Variants in PPIE observed in about 807,000 individuals in gnomAD.
PPIE encodes peptidyl-prolyl cis-trans isomerase E.
Under a neutral mutation model 38.4 loss-of-function variants are expected in PPIE, and 20 were observed. That is an observed-to-expected ratio of 0.52 (90% CI 0.37 to 0.76). PPIE has a LOEUF of 0.76. Among genes scored for constraint, PPIE ranks in the 30% least tolerant of loss-of-function variants. PPIE has a pLI of 0.00. For missense variants in PPIE, 322 were observed against 385.8 expected (o/e 0.83, Z 1.39); for synonymous variants, 142 against 135.7 (o/e 1.05, Z -0.32).
Position 39,755,621 on chromosome 1 carries a change from G to A in PPIE, c.*2266G>A. On this transcript the variant is annotated 3_prime_UTR_variant, in exon 10 of 10. Coordinates refer to ENST00000324379, the MANE Select transcript of PPIE (RefSeq NM_006112.4). ...TTGGACGAGAACCAGGAGAGAGTGT[G>A]TAGAAAAAGCACAGCCAGCCTCCCA... The A allele has an allele frequency of 1.0e-6, 1 of 985,428 alleles. No homozygotes were observed. Among genetic ancestry groups the A allele is most frequent in the Non-Finnish European group, 1.2e-6 (1 of 829,930 alleles). 61.0% of individuals were successfully genotyped at this position (985,428 alleles called of 1,614,324 possible).
intron 9 of PPIE, chr1:39,763,079 G>T (rs200035026): frequency 1.2e-6 from 2 of 1,612,442 alleles, no homozygotes; most frequent in African/African-American, 2.7e-5. Flanking sequence ...GGCAGGATGG[G>T]CATGGTACTG....
chr1:39,746,917 C>T lies in PPIE; in HGVS notation c.508+1419C>T, dbSNP rs914094707. On this transcript the variant is annotated intron_variant, in intron 7 of 9. Coordinates refer to ENST00000324379, the MANE Select transcript of PPIE (RefSeq NM_006112.4). ...CTCTGTTCGAAATTTTTGAATCATC[C>T]TAAACAAAACCACTTATTAAAGGTA... 2.0e-5 allele frequency: 3 copies of T among 152,116 alleles called. No individual in the cohort carries two copies. In the East Asian group the frequency reaches 5.8e-4, roughly 29 times the overall value. 9.4% of individuals were successfully genotyped at this position (152,116 alleles called of 1,614,324 possible).
Position 39,755,110 on chromosome 1 carries a change from C to G in PPIE, c.*1755C>G. ...TTGGAGCTGGCTTCTCTCCACTCCCCCTCCAGATGCTGGTCAGCCAGGCGG... is the reference window on the plus strand; with the variant it reads ...TTGGAGCTGGCTTCTCTCCACTCCCGCTCCAGATGCTGGTCAGCCAGGCGG... On this transcript the variant is annotated 3_prime_UTR_variant, in exon 10 of 10. Transcript: ENST00000324379. 7.1e-6 allele frequency: 7 copies of G among 985,358 alleles called. No homozygotes were observed. Among genetic ancestry groups the G allele is most frequent in the Non-Finnish European group, 8.4e-6 (7 of 829,948 alleles). 61.0% of individuals were successfully genotyped at this position (985,358 alleles called of 1,614,324 possible).
chr1:39,750,365 CTTATCCCACCTCCCAGATG>C lies in PPIE; in HGVS notation c.694+1294_694+1312del, dbSNP rs1186934939. Among the ~76,000 whole-genome samples, 5 of 152,164 alleles carry C rather than the reference CTTATCCCACCTCCCAGATG, an allele frequency of 3.3e-5. No individual in the cohort carries two copies. In the East Asian group the frequency reaches 7.7e-4, roughly 23 times the overall value. ...CGAGTAGCCAGTTCTTGGCGATCAT[CTTATCCCACCTCCCAGATG>C]TTATCCCACCTCCCAGGAGCATTTC... is the stretch of plus-strand genomic sequence containing the variant. On this transcript the variant is annotated intron_variant, in intron 8 of 9. Transcript: ENST00000324379.
intron 8 of PPIE, 92 bp downstream of exon 8, chr1:39,749,180 C>T (rs1034592636): frequency 1.2e-5 from 16 of 1,363,672 alleles, no homozygotes; most frequent in South Asian, 5.6e-5. Flanking sequence ...TTCTGGCTGG[C>T]GGACACTAAG....
intron 1 of PPIE, among the ~76,000 whole-genome samples, chr1:39,739,493 G>A (rs1370565085): frequency 1.3e-5 from 2 of 152,156 alleles, no homozygotes; most frequent in Non-Finnish European, 2.9e-5. Context: ...AAAAAAAGTG[G>A]AATTACCTCA....
intron 3 of PPIE, 44 bp downstream of exon 3, chr1:39,741,453 T>C: frequency 3.8e-6 from 6 of 1,592,666 alleles, no homozygotes; most frequent in Non-Finnish European, 5.2e-6. Context: ...GTTTGTGATG[T>C]TGTTACTGAT....
chr1:39,739,842 G>A (rs1224889244), intron 1 of PPIE, among the ~76,000 whole-genome samples: 1 of 152,190 alleles, frequency 6.6e-6, no homozygotes, highest in African/African-American at 2.4e-5. Flanking sequence ...CTTTGAAGGA[G>A]TGTAAGCGAA....
chr1:39,745,254 C>T (rs915904699), intron 6 of PPIE, 121 bp from the exon 7 acceptor site: 50 of 1,361,376 alleles, frequency 3.7e-5, no homozygotes, highest in East Asian at 4.7e-5. Context: ...AGGCCTTCCC[C>T]GTCAGCACTT....
intron 6 of PPIE, among the ~76,000 whole-genome samples, chr1:39,744,801 C>T (rs971257292): frequency 2.6e-5 from 4 of 152,164 alleles, no homozygotes; most frequent in Non-Finnish European, 4.4e-5. Context: ...TCAGTGGAGT[C>T]CCCCTGGATC....
chr1:39,745,658 G>C (rs1016453514), intron 7 of PPIE, 160 bp downstream of exon 7: 59 of 1,168,806 alleles, frequency 5.0e-5, no homozygotes, highest in Non-Finnish European at 6.6e-5. Flanking sequence ...AGATAAGTCA[G>C]AGCAGGTGTT....
chr1:39,762,486 T>A (rs982644340), intron 9 of PPIE: 2 of 1,541,396 alleles, frequency 1.3e-6, no homozygotes, highest in Admixed American at 2.0e-5. Flanking sequence ...GCACCAGTGA[T>A]CCCATCAGAA....
At chr1:39,749,223 A>AG in intron 8 of PPIE, 135 bp downstream of exon 8, 1 of 885,440 alleles carries the variant, frequency 1.1e-6, no homozygotes, top group South Asian at 1.7e-5. Flanking sequence ...CAGACATAGG[A>AG]GAACCATGCA....
rs776933148 is a variant in PPIE at position 39,745,472 on chromosome 1, G to T, written c.482G>T (p.Arg161Leu). 6.2e-7 allele frequency: 1 copy of T among 1,614,232 alleles called. No individual in the cohort carries two copies. Among genetic ancestry groups the T allele is most frequent in the African/African-American group, 1.3e-5 (1 of 75,052 alleles). The change falls in exon 7 of 10, where the codon CGT becomes CTT. Residue 161 changes from arginine (R) to leucine (L), a missense_variant. By Grantham distance (102) the Arg-to-Leu change is moderately radical (BLOSUM62 -2). Transcript: ENST00000324379. ...GCTGGCCGCATCCAGATGCTCCTGC[G>T]TTCTGATGTCGTGCCCATGACAGCA... is the stretch of plus-strand genomic sequence containing the variant. ...KPAGRIQMLL[R>L]SDVVPMTAEN...
rs1392231657 is a variant in PPIE at position 39,752,895 on chromosome 1, T to C, written c.695-15T>C. The C allele has an allele frequency of 9.3e-6, 15 of 1,608,514 alleles. No individual in the cohort carries two copies. Among genetic ancestry groups the C allele is most frequent in the Non-Finnish European group, 1.3e-5 (15 of 1,177,894 alleles). On this transcript the variant is annotated splice_polypyrimidine_tract_variant and intron_variant, in intron 8 of 9. Coordinates refer to ENST00000324379, the MANE Select transcript of PPIE (RefSeq NM_006112.4). Reference sequence around the variant, plus strand: ...AGCCAGGGTTCGGGGAGCTGATGGTTGTTCTCTCCCTCAGGTCTACTATCC... The same window carrying C: ...AGCCAGGGTTCGGGGAGCTGATGGTCGTTCTCTCCCTCAGGTCTACTATCC...
chr1:39,750,101 C>G (rs534055943), intron 8 of PPIE, among the ~76,000 whole-genome samples: 35 of 152,166 alleles, frequency 2.3e-4, no homozygotes, highest in African/African-American at 8.2e-4. Context: ...CCATTGCACT[C>G]CAGCCTGGGC....
chr1:39,745,180 C>A (rs532302064), intron 6 of PPIE, among the ~76,000 whole-genome samples, 195 bp from the exon 7 acceptor site: 1 of 152,242 alleles, frequency 6.6e-6, no homozygotes, highest in African/African-American at 2.4e-5. Flanking sequence ...GACCTCCTGT[C>A]GCTGGGCATC....
At position 39,753,483 on chromosome 1, in the gene PPIE, C is replaced by T; in HGVS notation, c.*128C>T. On this transcript the variant is annotated 3_prime_UTR_variant, in exon 10 of 10. Transcript: ENST00000324379. Reference sequence around the variant, plus strand: ...AGCAGCATTTGGGATATGTGCCCTTCCTCAGGGTCTGCTTGGAGCAGCTCC... The same window carrying T: ...AGCAGCATTTGGGATATGTGCCCTTTCTCAGGGTCTGCTTGGAGCAGCTCC... The T allele has an allele frequency of 6.7e-7, 1 of 1,483,680 alleles. No homozygotes were observed. The highest frequency in any genetic ancestry group is 8.9e-7 in the Non-Finnish European group (1 of 1,118,130). The allele number at this position is 1,483,680 out of a possible 1,614,324, so 91.9% of individuals were successfully genotyped here. A position where few individuals can be genotyped will look rare whatever the true frequency, so the allele number is the denominator to read the frequency against.
Position 39,753,544 on chromosome 1 carries a change from C to G in PPIE, c.*189C>G. 1.4e-6 allele frequency: 2 copies of G among 1,402,364 alleles called. No individual in the cohort carries two copies. The highest frequency in any genetic ancestry group is 1.6e-5 in the South Asian group (1 of 61,958). 86.9% of individuals were successfully genotyped at this position (1,402,364 alleles called of 1,614,324 possible). A position where few individuals can be genotyped will look rare whatever the true frequency, so the allele number is the denominator to read the frequency against. On this transcript the variant is annotated 3_prime_UTR_variant, in exon 10 of 10. Transcript: ENST00000324379. ...CAGCCTGGACTATTCCCAGGCACAG[C>G]TGTGGGCCCAGGAGCCAGCTCAGGT...
Sources: allele counts gnomAD v4.1 joint callset (sites outside exome capture counted in the v4.1 genomes callset), GRCh38; gene constraint gnomAD v4.1.1; transcripts MANE v1.5; gene names NCBI Gene and HGNC (gene_info 2026-07-23, HGNC 2026-07-21).